BMPR1A: variants seen among roughly 807,000 people sequenced by gnomAD.
The protein encoded by BMPR1A is bone morphogenetic protein receptor type-1A.
A neutral mutation model predicts 66.0 loss-of-function variants in BMPR1A; 7 were observed. The observed-to-expected ratio is 0.11, with a 90% CI of 0.06 to 0.20. The LOEUF is 0.20. Among genes scored for constraint, BMPR1A ranks in the 10% least tolerant of loss-of-function variants. The pLI is 1.00. For synonymous variants in BMPR1A, 200 were observed against 229.7 expected (o/e 0.87, Z 1.17); for missense variants, 408 against 669.1 (o/e 0.61, Z 4.31).
At chr10:86,833,450 G>A (rs992234425) in intron 1 of BMPR1A, among the ~76,000 whole-genome samples, 5 of 152,022 alleles carry the variant, frequency 3.3e-5, no homozygotes, top group Admixed American at 6.6e-5. Flanking sequence ...TTAAAGATAC[G>A]TGTATCAGAG....
chr10:86,808,857 A>T (rs1476302723), intron 1 of BMPR1A, among the ~76,000 whole-genome samples: 1 of 152,194 alleles, frequency 6.6e-6, no homozygotes, highest in Non-Finnish European at 1.5e-5. Flanking sequence ...CCAAATCAGG[A>T]TGGCTACCAA....
Position 86,925,075 on chromosome 10 carries a change from A to G in BMPR1A, c.*1356A>G, listed in dbSNP as rs911989234. ...TGAGATTTTTGGTTTTTTGATTTCT[A>G]TTCCCTAACTTGTGAAGACAATGAA... On this transcript the variant is annotated 3_prime_UTR_variant, in exon 13 of 13. Transcript: ENST00000372037. 1.7e-5 allele frequency: 4 copies of G among 232,068 alleles called. No homozygotes were observed. The highest frequency in any genetic ancestry group is 4.4e-5 in the African/African-American group (2 of 45,322). 14.4% of individuals were successfully genotyped at this position (232,068 alleles called of 1,614,324 possible). A position where few individuals can be genotyped will look rare whatever the true frequency, so the allele number is the denominator to read the frequency against.
intron 1 of BMPR1A, among the ~76,000 whole-genome samples, chr10:86,778,305 TAAA>T (rs1200480152): frequency 6.6e-6 from 1 of 152,076 alleles, no homozygotes; most frequent in Non-Finnish European, 1.5e-5. Flanking sequence ...TTTTTTTATT[TAAA>T]AAATACATAA....
At chr10:86,785,075 T>G (rs1841497275) in intron 1 of BMPR1A, among the ~76,000 whole-genome samples, 1 of 152,232 alleles carries the variant, frequency 6.6e-6, no homozygotes, top group Non-Finnish European at 1.5e-5. Context: ...GCCTTGTGAT[T>G]TCTTCTTTGA....
intron 1 of BMPR1A, among the ~76,000 whole-genome samples, chr10:86,820,200 G>C (rs896625247): frequency 1.3e-5 from 2 of 152,062 alleles, no homozygotes; most frequent in Non-Finnish European, 2.9e-5. Flanking sequence ...ATGCCCCCAT[G>C]CCTGGCTGTT....
At chr10:86,882,705 C>T (rs1410465099) in intron 3 of BMPR1A, among the ~76,000 whole-genome samples, 1 of 150,036 alleles carries the variant, frequency 6.7e-6, no homozygotes, top group Non-Finnish European at 1.5e-5. Flanking sequence ...CATGTCATGT[C>T]TATAATCCCA....
At chr10:86,881,999 T>C (rs1209070724) in intron 3 of BMPR1A, among the ~76,000 whole-genome samples, 5 of 152,186 alleles carry the variant, frequency 3.3e-5, no homozygotes, top group Non-Finnish European at 7.4e-5. Flanking sequence ...AACTGTGTTT[T>C]TTTTTTAAGT....
chr10:86,823,836 C>T (rs1226336548), intron 1 of BMPR1A, among the ~76,000 whole-genome samples: 2 of 152,312 alleles, frequency 1.3e-5, no homozygotes, highest in East Asian at 3.9e-4. Context: ...GTATCAAATC[C>T]TGCGGATCCT....
chr10:86,797,071 T>TTTTC (rs1401529070), intron 1 of BMPR1A, among the ~76,000 whole-genome samples: 3 of 108,258 alleles, frequency 2.8e-5, no homozygotes, highest in Non-Finnish European at 4.9e-5. Context: ...TTCTTTTCTT[T>TTTTC]TTTTTTTTTT....
chr10:86,762,949 T>C (rs777257453), intron 1 of BMPR1A, among the ~76,000 whole-genome samples: 1 of 152,060 alleles, frequency 6.6e-6, no homozygotes, highest in South Asian at 2.1e-4. Context: ...CAGGCTGGAG[T>C]GCAGTGGCGT....
intron 2 of BMPR1A, chr10:86,855,713 T>C (rs1279366009): frequency 5.2e-6 from 4 of 769,952 alleles, no homozygotes; most frequent in Non-Finnish European, 8.8e-6. Context: ...CTGTTCTTTG[T>C]GTTTGGCATT....
intron 1 of BMPR1A, among the ~76,000 whole-genome samples, chr10:86,779,191 GTAA>G (rs1400806049): frequency 6.6e-6 from 1 of 152,176 alleles, no homozygotes; most frequent in Admixed American, 6.5e-5. Context: ...TTGAATAGCA[GTAA>G]ACATGGGGAT....
chr10:86,788,836 A>C (rs1281559361), intron 1 of BMPR1A, among the ~76,000 whole-genome samples: 2 of 152,046 alleles, frequency 1.3e-5, no homozygotes, highest in East Asian at 3.9e-4. Flanking sequence ...CGAACTCCTG[A>C]CCTTAGGCGA....
intron 1 of BMPR1A, among the ~76,000 whole-genome samples, chr10:86,776,535 G>GT (rs982430305): frequency 1.3e-5 from 2 of 152,140 alleles, no homozygotes; most frequent in Non-Finnish European, 2.9e-5. Flanking sequence ...GACACTGATT[G>GT]TTTTTTGTAG....
chr10:86,916,483 C>G (rs1308734459), intron 8 of BMPR1A, among the ~76,000 whole-genome samples: 2 of 152,216 alleles, frequency 1.3e-5, no homozygotes, highest in Non-Finnish European at 1.5e-5. Flanking sequence ...CCCCAGTCCA[C>G]AAACATTTGT....
At chr10:86,812,063 G>GA (rs111415887) in intron 1 of BMPR1A, among the ~76,000 whole-genome samples, 3,427 of 137,258 alleles carry the variant, frequency 0.025, 129 homozygotes, top group African/African-American at 0.084. Context: ...GGGCAAAAAA[G>GA]AAAAAAAAAA....
intron 5 of BMPR1A, among the ~76,000 whole-genome samples, chr10:86,893,817 A>T (rs1299656684): frequency 6.6e-6 from 1 of 151,744 alleles, no homozygotes; most frequent in African/African-American, 2.4e-5. Flanking sequence ...AATTCTCAGG[A>T]TGGATAGAAA....
intron 1 of BMPR1A, among the ~76,000 whole-genome samples, chr10:86,770,514 CAGA>C (rs1215185437): frequency 6.6e-6 from 1 of 152,146 alleles, no homozygotes; most frequent in African/African-American, 2.4e-5. Context: ...CACTTGTCCC[CAGA>C]AGAAAAGCTA....
rs370521923 is a variant in BMPR1A, at chr10:86,865,193, G to T, written c.-152-10674G>T. Among the ~76,000 whole-genome samples the T allele has an allele frequency of 3.9e-5, 6 of 152,070 alleles. No homozygotes were observed. The East Asian group carries it at 1.2e-3, about 29-fold the overall frequency. ...TAACTGATGACATTCCACCACAAAA[G>T]AAGTGTAAATGGCCGGTCCATGCCT... On this transcript the variant is annotated intron_variant, in intron 2 of 12. Coordinates refer to ENST00000372037, the MANE Select transcript of BMPR1A (RefSeq NM_004329.3).
Sources: allele counts gnomAD v4.1 joint callset (sites outside exome capture counted in the v4.1 genomes callset), GRCh38; gene constraint gnomAD v4.1.1; transcripts MANE v1.5; gene names NCBI Gene and HGNC (gene_info 2026-07-23, HGNC 2026-07-21).